CACNA2D2: variants seen among roughly 807,000 people sequenced by gnomAD.
CACNA2D2 encodes voltage-dependent calcium channel subunit alpha-2/delta-2.
A neutral mutation model predicts 166.4 loss-of-function variants in CACNA2D2; 48 were observed. The observed-to-expected ratio is 0.29, with a 90% CI of 0.23 to 0.37. The LOEUF (loss-of-function observed/expected upper bound fraction) is 0.37, where lower values mean the gene tolerates loss of function less well. Ranked by LOEUF, CACNA2D2 falls within the 10% of genes least tolerant of loss-of-function variation. The pLI, the probability that CACNA2D2 is intolerant of heterozygous loss-of-function variation, is 1.00. For synonymous variants in CACNA2D2, 561 were observed against 573.7 expected, an observed-to-expected ratio of 0.98 and a Z score of 0.32; for missense variants, 1,122 against 1,433.0, an observed-to-expected ratio of 0.78 and a Z score of 3.50.
At chr3:50,449,189 G>A (rs1046425043) in intron 2 of CACNA2D2, among the ~76,000 whole-genome samples, 7 of 152,156 alleles carry the variant, frequency 4.6e-5, no homozygotes, top group Admixed American at 1.3e-4. Flanking sequence ...ACAAACCCTC[G>A]GCTGCCTCAT....
In CACNA2D2 at chr3:50,404,128, T is replaced by C. The variant is rs1017425964; in HGVS notation, c.406-9960A>G. On this transcript the variant is annotated intron_variant, in intron 3 of 37. Transcript: ENST00000424201. ...GCTGGTTTGGAGGCCCTGGGTTTCA[T>C]TGGGATAGAGATGGCAGAAACCCGG... 7.9e-5 allele frequency among the ~76,000 whole-genome samples: 12 copies of C among 152,124 alleles called. No homozygotes were observed. The South Asian group carries it at 1.7e-3, about 21-fold the overall frequency.
intron 2 of CACNA2D2, among the ~76,000 whole-genome samples, chr3:50,439,635 T>C (rs1478717368): frequency 6.6e-6 from 1 of 152,168 alleles, no homozygotes; most frequent in East Asian, 1.9e-4. Context: ...GGGCAGCCAG[T>C]GGATGAGAGA....
Position 50,366,847 on chromosome 3 carries a change from T to C in CACNA2D2, c.2573A>G (p.Gln858Arg). The C allele has an allele frequency of 6.2e-7, 1 of 1,613,532 alleles. No individual in the cohort carries two copies. The highest frequency in any genetic ancestry group is 8.5e-7 in the Non-Finnish European group (1 of 1,179,968). The change falls in exon 29 of 38, where the codon CAA becomes CGA. Residue 858 changes from glutamine (Q) to arginine (R), a missense_variant. Gln to Arg is a conservative substitution (Grantham distance 43). Around this residue, in one of 2 missense-constraint regions of CACNA2D2, gnomAD observed 840 missense variants for 1,166.8 expected, o/e 0.72. Transcript: ENST00000424201. The surrounding 1 kb of genome is among the most constrained non-coding windows in gnomAD (Gnocchi z 5.9). ...CCCAAATACCTTCTGAGGCTGGTCT[T>C]GGTGGGTACGGTTGCTGGCTAGCAC... ...FKVLASNRTHQDQPQKCGPNS... is the reference protein window; with the variant it reads ...FKVLASNRTHRDQPQKCGPNS...
chr3:50,385,255 AAAG>A (rs945322104), intron 5 of CACNA2D2, among the ~76,000 whole-genome samples: 2 of 152,144 alleles, frequency 1.3e-5, no homozygotes, highest in East Asian at 1.9e-4. Flanking sequence ...GAGGCAAGGG[AAAG>A]AAGGAGGCTA....
intron 3 of CACNA2D2, among the ~76,000 whole-genome samples, chr3:50,414,710 G>A (rs1039577602): frequency 4.6e-5 from 7 of 152,220 alleles, no homozygotes; most frequent in Non-Finnish European, 8.8e-5. Context: ...ACGCTGGCCC[G>A]ATGGGATAAT....
chr3:50,365,184 C>T lies in CACNA2D2; in HGVS notation c.3099G>A (p.Arg1033=), dbSNP rs769536562. 11 of 1,611,730 alleles carry T rather than the reference C, an allele frequency of 6.8e-6. No individual in the cohort carries two copies. The highest frequency in any genetic ancestry group is 1.3e-5 in the African/African-American group (1 of 74,858). The part of the protein sequence containing the change: ...NAIIDCGNCS[R]LFHAQRLTNT... ...TGGTCAGTCTCTGCGCGTGGAACAGCCTGCGGGCAGCCCGGAAAGGCGGGG... is the reference window on the plus strand; with the variant it reads ...TGGTCAGTCTCTGCGCGTGGAACAGTCTGCGGGCAGCCCGGAAAGGCGGGG... Residue 1033 remains arginine (R), a splice_region_variant and synonymous_variant, in exon 36 of 38, where the codon AGG becomes AGA. Transcript: ENST00000424201. This position sits in a 1 kb window ranked among gnomAD's most constrained non-coding sequence, Gnocchi z 4.5.
intron 3 of CACNA2D2, among the ~76,000 whole-genome samples, chr3:50,416,841 T>C (rs948148716): frequency 6.6e-6 from 1 of 152,316 alleles, no homozygotes; most frequent in Admixed American, 6.5e-5. Flanking sequence ...ACAGCTGTGA[T>C]AGGGCTGCAC....
chr3:50,423,140 C>T (rs150856927), intron 3 of CACNA2D2, among the ~76,000 whole-genome samples: 2 of 152,238 alleles, frequency 1.3e-5, no homozygotes, highest in African/African-American at 4.8e-5. Context: ...TATGCCTACG[C>T]AGCTCATGGA....
In CACNA2D2 at chr3:50,365,098, C is replaced by G. The variant is rs1704164021; in HGVS notation, c.3185G>C (p.Arg1062Pro). 2 of 1,611,820 alleles carry G rather than the reference C, an allele frequency of 1.2e-6. No homozygotes were observed. The highest frequency in any genetic ancestry group is 1.7e-5 in the Admixed American group (1 of 59,980). Reference sequence around the variant, plus strand: ...ACAGTGCGTCTCCTTCTGCAGCAGCCGGCCAGCCTCGCACTGGCTGCACAG... The same window carrying G: ...ACAGTGCGTCTCCTTCTGCAGCAGCGGGCCAGCCTCGCACTGGCTGCACAG... ...KPLCSQCEAG[R>P]LLQKETHSDG... The change falls in exon 36 of 38, where the codon CGG becomes CCG. Residue 1062 changes from arginine (R) to proline (P), a missense_variant. This residue lies in a region of CACNA2D2 where 282 missense variants were observed against 266.2 expected (regional missense o/e 1.06). Transcript: ENST00000424201. The surrounding 1 kb of genome is among the most constrained non-coding windows in gnomAD (Gnocchi z 4.5).
chr3:50,372,453 C>T (rs769303042), intron 22 of CACNA2D2, among the ~76,000 whole-genome samples: 7 of 152,234 alleles, frequency 4.6e-5, no homozygotes, highest in African/African-American at 7.2e-5. Flanking sequence ...CCAGGAGGCG[C>T]GGGTCAGCCC....
chr3:50,411,235 C>T (rs62260813), intron 3 of CACNA2D2, among the ~76,000 whole-genome samples: 1 of 152,192 alleles, frequency 6.6e-6, no homozygotes, highest in African/African-American at 2.4e-5. Context: ...CACCTCCCTC[C>T]CAGCCCTCAC....
intron 21 of CACNA2D2, 52 bp from the exon 22 acceptor site, chr3:50,374,865 C>T (rs1704890391): frequency 3.5e-6 from 5 of 1,415,280 alleles, no homozygotes; most frequent in Non-Finnish European, 3.9e-6. Flanking sequence ...GCCACACTGG[C>T]ACCCCCTCCC....
chr3:50,396,241 C>T (rs1706143998), intron 3 of CACNA2D2, among the ~76,000 whole-genome samples: 2 of 152,080 alleles, frequency 1.3e-5, no homozygotes, highest in African/African-American at 4.8e-5. Context: ...TCCTCCATTC[C>T]ACCCCAGCAT....
chr3:50,460,133 G>T (rs1709526757), intron 2 of CACNA2D2, among the ~76,000 whole-genome samples: 2 of 152,186 alleles, frequency 1.3e-5, no homozygotes, highest in South Asian at 4.1e-4. Flanking sequence ...TGTGAATTAA[G>T]CCTGTTTTTT....
intron 1 of CACNA2D2, among the ~76,000 whole-genome samples, chr3:50,493,364 G>A (rs531634696): frequency 3.3e-5 from 5 of 152,216 alleles, no homozygotes; most frequent in African/African-American, 7.2e-5. Flanking sequence ...AGAGGAAGTC[G>A]GCTGGGGGCT....
intron 2 of CACNA2D2, among the ~76,000 whole-genome samples, chr3:50,472,922 G>A (rs1284229380): frequency 1.3e-5 from 2 of 152,200 alleles, no homozygotes; most frequent in African/African-American, 4.8e-5. Flanking sequence ...AGAGGCTCCA[G>A]ACACCTTGCT....
intron 4 of CACNA2D2, among the ~76,000 whole-genome samples, chr3:50,390,767 A>G (rs1705848932): frequency 6.6e-6 from 1 of 152,190 alleles, no homozygotes; most frequent in Non-Finnish European, 1.5e-5. Context: ...GCCAAGCCCA[A>G]GAGAGGTGTG....
chr3:50,470,332 C>A (rs1363525522), intron 2 of CACNA2D2, among the ~76,000 whole-genome samples: 1 of 152,194 alleles, frequency 6.6e-6, no homozygotes, highest in Non-Finnish European at 1.5e-5. Flanking sequence ...GGAGGAGCCA[C>A]TGGGGTGGGG....
chr3:50,413,465 C>A (rs2106809319), intron 3 of CACNA2D2, among the ~76,000 whole-genome samples: 1 of 152,248 alleles, frequency 6.6e-6, no homozygotes, highest in Admixed American at 6.5e-5. Flanking sequence ...AGTCAGGAGG[C>A]CTCTGGACCA....
Sources: allele counts gnomAD v4.1 joint callset (sites outside exome capture counted in the v4.1 genomes callset), GRCh38; gene constraint gnomAD v4.1.1; regional missense constraint gnomAD v4.1.1; non-coding constraint Gnocchi (gnomAD v3.1); transcripts MANE v1.5; gene names NCBI Gene and HGNC (gene_info 2026-07-23, HGNC 2026-07-21).